Variants in SYS1 observed in about 807,000 individuals in gnomAD.
SYS1 encodes the protein SYS1 golgi trafficking protein.
SYS1 carries 8 observed loss-of-function variants against 17.8 expected under a neutral mutation model. The ratio of observed to expected loss-of-function variants is 0.45; its 90% confidence interval spans 0.26 to 0.81. The LOEUF (loss-of-function observed/expected upper bound fraction) is 0.81. SYS1 is among the 40% of genes least tolerant of loss of function. The pLI is 0.16. For missense variants in SYS1, 161 were observed against 203.9 expected (o/e 0.79, Z 1.28); for synonymous variants, 95 against 90.9 (o/e 1.05, Z -0.26).
At chr20:45,374,068 G>A (rs1238853737), downstream of SYS1, 4 of 1,553,060 alleles carry the variant, frequency 2.6e-6, no homozygotes, top group Admixed American at 3.3e-5. Flanking sequence ...GGCGCTGGTC[G>A]TTTGGGGAGC....
chr20:45,375,484 T>G (rs1988702899), exon 4 of SYS1: 3 of 1,613,032 alleles, frequency 1.9e-6, no homozygotes, highest in African/African-American at 2.7e-5. Flanking sequence ...CTTGAGTTCC[T>G]TCTCGGAGCA....
exon 4 of SYS1, chr20:45,375,777 G>A: frequency 1.8e-6 from 1 of 570,124 alleles, no homozygotes; most frequent in South Asian, 2.3e-5. Context: ...TAGTAGTTAA[G>A]GCCCCTAAGA....
At chr20:45,362,085 TACTG>T, upstream of SYS1, 4 of 902,426 alleles carry the variant, frequency 4.4e-6, no homozygotes, top group Non-Finnish European at 5.3e-6. Flanking sequence ...AGCAAATATT[TACTG>T]ACTGTCCACT....
At chr20:45,365,569 C>G (rs912019195) in intron 2 of SYS1, 50 bp from the exon 3 acceptor site, 1 of 1,574,800 alleles carries the variant, frequency 6.4e-7, no homozygotes. Context: ...GATCCTGGGG[C>G]TCTGCCAAGT....
intron 3 of SYS1, among the ~76,000 whole-genome samples, chr20:45,366,258 A>T (rs1337717256): frequency 1.3e-5 from 2 of 152,176 alleles, no homozygotes; most frequent in Non-Finnish European, 2.9e-5. Context: ...TAGTAATATT[A>T]CCTACCTCAT....
upstream of SYS1, chr20:45,362,026 A>G (rs1444523085): frequency 3.0e-6 from 3 of 985,226 alleles, no homozygotes; most frequent in African/African-American, 5.2e-5. Flanking sequence ...TGGAGTAGGA[A>G]TAAGTGAGTT....
chr20:45,362,039 C>T, upstream of SYS1: 1 of 984,844 alleles, frequency 1.0e-6, no homozygotes, highest in Non-Finnish European at 1.2e-6. Context: ...AGTGAGTTAT[C>T]GATTTGCTCT....
At chr20:45,370,350 G>T (rs995931157), downstream of SYS1, among the ~76,000 whole-genome samples, 11 of 152,166 alleles carry the variant, frequency 7.2e-5, no homozygotes, top group Admixed American at 1.3e-4. Flanking sequence ...AACTCTCCAG[G>T]TGTCTGAAGT....
At position 45,367,429 on chromosome 20, in the gene SYS1, G is replaced by C. The variant is rs1988453077; in HGVS notation, c.*314G>C. On this transcript the variant is annotated 3_prime_UTR_variant, in exon 4 of 4. Transcript: ENST00000243918. ...ACCTGTCACCAGCCTGTTGTTTTAA[G>C]AGAGAAAAAAAATCAAGGATATCTG... 8.6e-7 allele frequency: 1 copy of C among 1,163,514 alleles called. No homozygotes were observed. Among genetic ancestry groups the C allele is most frequent in the African/African-American group, 1.6e-5 (1 of 62,894 alleles). 72.1% of individuals were successfully genotyped at this position (1,163,514 alleles called of 1,614,324 possible). A position where few individuals can be genotyped will look rare whatever the true frequency, so the allele number is the denominator to read the frequency against.
downstream of SYS1, among the ~76,000 whole-genome samples, chr20:45,372,117 T>C (rs926738888): frequency 6.6e-6 from 1 of 152,120 alleles, no homozygotes; most frequent in Non-Finnish European, 1.5e-5. Context: ...GAGCTTTAGG[T>C]TGAAATGGTT....
At chr20:45,374,931 C>T in exon 4 of SYS1, 2 of 1,457,362 alleles carry the variant, frequency 1.4e-6, no homozygotes, top group South Asian at 1.3e-5. Context: ...CTACCAGCCA[C>T]ACACCACTCA....
At chr20:45,363,717 G>T in intron 2 of SYS1, 24 bp downstream of exon 2, 1 of 1,546,732 alleles carries the variant, frequency 6.5e-7, no homozygotes. Flanking sequence ...ACTGGGGCGG[G>T]TGGGGTCTCG....
chr20:45,375,379 G>A (rs780299271), exon 4 of SYS1: 5 of 1,614,078 alleles, frequency 3.1e-6, no homozygotes, highest in East Asian at 2.2e-5. Context: ...CGCCAATGAC[G>A]TTTTCTCCTT....
Position 45,367,537 on chromosome 20 carries a change from G to T in SYS1, c.*422G>T. The T allele has an allele frequency of 1.0e-6, 1 of 1,002,496 alleles. No homozygotes were observed. The highest frequency in any genetic ancestry group is 1.2e-6 in the Non-Finnish European group (1 of 839,198). The allele number at this position is 1,002,496 out of a possible 1,614,324, so 62.1% of individuals were successfully genotyped here. On this transcript the variant is annotated 3_prime_UTR_variant, in exon 4 of 4. Transcript: ENST00000243918. Reference sequence around the variant, plus strand: ...TTTGCAGTGTTGCCGAATCACAGCAGTTACCTTTGCAGTGTTGCCGAATCA... The same window carrying T: ...TTTGCAGTGTTGCCGAATCACAGCATTTACCTTTGCAGTGTTGCCGAATCA...
downstream of SYS1, among the ~76,000 whole-genome samples, chr20:45,369,786 T>G (rs185234886): frequency 3.6e-4 from 54 of 151,936 alleles, 1 homozygote; most frequent in Admixed American, 7.9e-4. Flanking sequence ...ATTTTTATTT[T>G]TATTTTTATT....
downstream of SYS1, chr20:45,374,093 G>A: frequency 1.5e-6 from 2 of 1,316,834 alleles, no homozygotes; most frequent in Non-Finnish European, 2.2e-6. Context: ...GCAGGGACAA[G>A]GGTGCTGTGG....
downstream of SYS1, among the ~76,000 whole-genome samples, chr20:45,370,499 A>C (rs1988538551): frequency 6.6e-6 from 1 of 152,152 alleles, no homozygotes; most frequent in African/African-American, 2.4e-5. Context: ...TCTGGCTCAG[A>C]GGGTACTTCT....
rs956659842 is a variant in SYS1 at position 45,364,267 on chromosome 20, G to A, written c.162+574G>A. Reference sequence around the variant, plus strand: ...TAGGCCTAAACATATAAAACTAGCTGTGGGACCTTGGGCAAGTTGCTTCCC... The same window carrying A: ...TAGGCCTAAACATATAAAACTAGCTATGGGACCTTGGGCAAGTTGCTTCCC... On this transcript the variant is annotated intron_variant, in intron 2 of 3. Coordinates refer to ENST00000243918, the MANE Select transcript of SYS1 (RefSeq NM_033542.4). Among the ~76,000 whole-genome samples the A allele has an allele frequency of 3.3e-5, 5 of 152,302 alleles. No homozygotes were observed. In the East Asian group the frequency reaches 9.6e-4, roughly 29 times the overall value.
In SYS1 at chr20:45,367,445, A is replaced by G; in HGVS notation, c.*330A>G. 1 of 1,139,700 alleles carries G rather than the reference A, an allele frequency of 8.8e-7. No homozygotes were observed. The highest frequency in any genetic ancestry group is 1.1e-6 in the Non-Finnish European group (1 of 922,414). The allele number at this position is 1,139,700 out of a possible 1,614,324, so 70.6% of individuals were successfully genotyped here. A position where few individuals can be genotyped will look rare whatever the true frequency, so the allele number is the denominator to read the frequency against. On this transcript the variant is annotated 3_prime_UTR_variant, in exon 4 of 4. Transcript: ENST00000243918. The stretch of plus-strand genomic sequence containing the variant: ...TTGTTTTAAGAGAGAAAAAAAATCA[A>G]GGATATCTGATTGGAGCAAACCACT...
Sources: gnomAD v4.1 joint callset for allele counts (sites outside exome capture counted in the v4.1 genomes callset) on GRCh38, gnomAD v4.1.1 for gene constraint, MANE v1.5 for transcripts, NCBI Gene and HGNC (gene_info 2026-07-23, HGNC 2026-07-21) for gene names.